Variants in CSMD1 observed in about 807,000 individuals in gnomAD.
The protein encoded by CSMD1 is CUB and sushi domain-containing protein 1.
CSMD1 carries 213 observed loss-of-function variants against 417.5 expected under a neutral mutation model. The ratio of observed to expected loss-of-function variants is 0.51; its 90% CI spans 0.46 to 0.57. The LOEUF (loss-of-function observed/expected upper bound fraction) is 0.57, where lower values mean the gene tolerates loss of function less well. Ranked by LOEUF, CSMD1 falls within the 20% of genes least tolerant of loss-of-function variation. CSMD1 has a pLI of 0.00. For missense variants in CSMD1, 6,923 were observed against 4,529.7 expected, an observed-to-expected ratio of 1.53 and a Z score of -15.17; for synonymous variants, 2,862 against 1,736.8, an observed-to-expected ratio of 1.65 and a Z score of -16.11.
chr8:3,870,190 T>C (rs781587395), intron 5 of CSMD1, among the ~76,000 whole-genome samples: 2 of 152,156 alleles, frequency 1.3e-5, no homozygotes, highest in African/African-American at 4.8e-5. Context: ...TTCCAGAAAG[T>C]CAAGAAGAAA....
Position 4,183,182 on chromosome 8 carries a change from T to C in CSMD1, c.416-151083A>G, listed in dbSNP as rs932416816. 4.6e-5 allele frequency among the ~76,000 whole-genome samples: 7 copies of C among 152,130 alleles called. No individual in the cohort carries two copies. The East Asian group carries it at 9.6e-4, about 21-fold the overall frequency. On this transcript the variant is annotated intron_variant, in intron 3 of 69. Transcript: ENST00000635120. ...GCGTAAGTGCAGTATAGCCCTAGGA[T>C]GAATTTAGGGGAAAAAATGGGTATA...
chr8:4,155,586 G>C (rs74713026), intron 3 of CSMD1, among the ~76,000 whole-genome samples: 1,803 of 152,220 alleles, frequency 0.012, 42 homozygotes, highest in African/African-American at 0.042. Flanking sequence ...TAAATTGTGA[G>C]TCATTTTTTC....
intron 3 of CSMD1, among the ~76,000 whole-genome samples, chr8:4,387,570 C>CAG (rs1554455851): frequency 8.1e-5 from 3 of 37,210 alleles, no homozygotes; most frequent in Non-Finnish European, 1.7e-4. Flanking sequence ...TCCAAACTGG[C>CAG]AAAAAAAAAA....
At chr8:3,606,191 G>A (rs532059586) in intron 8 of CSMD1, among the ~76,000 whole-genome samples, 2 of 152,280 alleles carry the variant, frequency 1.3e-5, no homozygotes, top group South Asian at 4.1e-4. Flanking sequence ...GGACAGAGAT[G>A]GGCCAAGGTG....
chr8:4,100,063 A>T (rs1345766061), intron 3 of CSMD1, among the ~76,000 whole-genome samples: 1 of 152,194 alleles, frequency 6.6e-6, no homozygotes, highest in Non-Finnish European at 1.5e-5. Flanking sequence ...GCACTTTAGA[A>T]TCCAAGAAAT....
At chr8:4,859,853 G>A (rs1368932513) in intron 1 of CSMD1, among the ~76,000 whole-genome samples, 5 of 152,098 alleles carry the variant, frequency 3.3e-5, no homozygotes, top group African/African-American at 7.2e-5. Flanking sequence ...TCAGTGTGGC[G>A]ATTCCTCAGG....
intron 39 of CSMD1, among the ~76,000 whole-genome samples, chr8:3,156,561 G>A (rs1397754007): frequency 6.6e-6 from 1 of 152,164 alleles, no homozygotes; most frequent in Non-Finnish European, 1.5e-5. Context: ...CACTGCACCT[G>A]CAGGTGGGAG....
At chr8:4,823,455 T>C (rs933181791) in intron 1 of CSMD1, among the ~76,000 whole-genome samples, 1 of 152,012 alleles carries the variant, frequency 6.6e-6, no homozygotes, top group Non-Finnish European at 1.5e-5. Context: ...ACTGGTAAAA[T>C]GGGGTACTTA....
At chr8:3,548,979 C>G (rs1002235140) in intron 10 of CSMD1, among the ~76,000 whole-genome samples, 1 of 152,164 alleles carries the variant, frequency 6.6e-6, no homozygotes, top group Admixed American at 6.5e-5. Context: ...TTGCAGACAC[C>G]CCTCCCAATA....
At chr8:3,719,093 C>G (rs546764687) in intron 6 of CSMD1, among the ~76,000 whole-genome samples, 6 of 152,136 alleles carry the variant, frequency 3.9e-5, no homozygotes, top group African/African-American at 1.4e-4. Context: ...GTGTCTCAGA[C>G]GATTCGCAAA....
intron 7 of CSMD1, among the ~76,000 whole-genome samples, chr8:3,627,503 C>T (rs993220583): frequency 2.6e-5 from 4 of 152,082 alleles, no homozygotes; most frequent in Admixed American, 6.6e-5. Context: ...TATAACCTCA[C>T]CTGAATATAT....
At chr8:2,985,261 C>T (rs950516427) in intron 54 of CSMD1, among the ~76,000 whole-genome samples, 2 of 152,164 alleles carry the variant, frequency 1.3e-5, no homozygotes, top group Non-Finnish European at 2.9e-5. Context: ...GCCTGTATCA[C>T]TAGCTTCTGC....
At chr8:3,766,865 A>G (rs1798298474) in intron 5 of CSMD1, among the ~76,000 whole-genome samples, 1 of 152,090 alleles carries the variant, frequency 6.6e-6, no homozygotes, top group African/African-American at 2.4e-5. Context: ...TTTTTCTAGC[A>G]AATTTCTTAT....
chr8:4,314,333 C>T (rs1410170217), intron 3 of CSMD1, among the ~76,000 whole-genome samples: 1 of 152,172 alleles, frequency 6.6e-6, no homozygotes, highest in Non-Finnish European at 1.5e-5. Context: ...GCCCAACAGC[C>T]AGTGCCTCCA....
chr8:4,468,808 T>A (rs1272819897), intron 2 of CSMD1, among the ~76,000 whole-genome samples: 1 of 152,266 alleles, frequency 6.6e-6, no homozygotes, highest in East Asian at 1.9e-4. Flanking sequence ...TAATCAATAA[T>A]TATTGTATTG....
chr8:4,126,077 C>A (rs1419173694), intron 3 of CSMD1, among the ~76,000 whole-genome samples: 1 of 151,906 alleles, frequency 6.6e-6, no homozygotes, highest in East Asian at 1.9e-4. Flanking sequence ...CCATTGCACC[C>A]AGAAACAGAA....
At chr8:3,879,835 G>A (rs550582332) in intron 5 of CSMD1, among the ~76,000 whole-genome samples, 1 of 140,024 alleles carries the variant, frequency 7.1e-6, no homozygotes, top group African/African-American at 3.0e-5. Context: ...GTGTGCGTGT[G>A]CGTGTGTGTG....
chr8:4,728,364 T>C (rs1256449710), intron 1 of CSMD1, among the ~76,000 whole-genome samples: 2 of 151,998 alleles, frequency 1.3e-5, no homozygotes, highest in Admixed American at 6.6e-5. Flanking sequence ...TTGGTCCTCA[T>C]TACATGATAT....
intron 26 of CSMD1, among the ~76,000 whole-genome samples, chr8:3,257,958 A>G (rs1800782540): frequency 6.6e-6 from 1 of 152,184 alleles, no homozygotes; most frequent in South Asian, 2.1e-4. Flanking sequence ...AGGACAGACC[A>G]TGGAGAGGCC....
Sources: gnomAD v4.1 joint callset for allele counts (sites outside exome capture counted in the v4.1 genomes callset) on GRCh38, gnomAD v4.1.1 for gene constraint, MANE v1.5 for transcripts, NCBI Gene and HGNC (gene_info 2026-07-23, HGNC 2026-07-21) for gene names.